ATP6V1H: variants seen among roughly 807,000 people sequenced by gnomAD.
ATP6V1H encodes the protein V-type proton ATPase subunit H.
A neutral mutation model predicts 71.7 loss-of-function variants in ATP6V1H; 39 were observed. That is an observed-to-expected ratio of 0.54 (90% confidence interval 0.42 to 0.71). ATP6V1H has a LOEUF of 0.71. ATP6V1H is among the 30% of genes least tolerant of loss of function. The pLI, the probability that ATP6V1H is intolerant of heterozygous loss-of-function variation, is 0.00. For synonymous variants in ATP6V1H, 192 were observed against 199.3 expected, an observed-to-expected ratio of 0.96 and a Z score of 0.31; for missense variants, 509 against 594.9, an observed-to-expected ratio of 0.86 and a Z score of 1.50.
At chr8:53,723,145 T>C (rs563155370) in intron 13 of ATP6V1H, among the ~76,000 whole-genome samples, 1 of 152,312 alleles carries the variant, frequency 6.6e-6, no homozygotes, top group Non-Finnish European at 1.5e-5. Flanking sequence ...AAGCAGATTA[T>C]ACAACTTTGG....
chr8:53,748,254 T>G (rs979275091), intron 12 of ATP6V1H, among the ~76,000 whole-genome samples: 1 of 152,124 alleles, frequency 6.6e-6, no homozygotes, highest in East Asian at 1.9e-4. Flanking sequence ...ACGGATCATG[T>G]AAGTGATTAA....
chr8:53,822,410 T>C (rs1343569363), intron 4 of ATP6V1H, among the ~76,000 whole-genome samples: 1 of 151,968 alleles, frequency 6.6e-6, no homozygotes, highest in Non-Finnish European at 1.5e-5. Flanking sequence ...AGAGGAAAAG[T>C]AGAATAAGTT....
At chr8:53,812,761 A>G (rs973290059) in intron 6 of ATP6V1H, among the ~76,000 whole-genome samples, 1 of 152,188 alleles carries the variant, frequency 6.6e-6, no homozygotes, top group Non-Finnish European at 1.5e-5. Flanking sequence ...TGGCACGATC[A>G]CAGCTCACTA....
In ATP6V1H at chr8:53,777,271, C is replaced by T. The variant is rs76389109; in HGVS notation, c.871-5104G>A. ...CAAATAAAACTAAATCCAGACACAT[C>T]AAAGTCAATCTTCAGAAAACCAAAT... On this transcript the variant is annotated intron_variant, in intron 9 of 13. Coordinates refer to ENST00000359530, the MANE Select transcript of ATP6V1H (RefSeq NM_015941.4). Among the ~76,000 whole-genome samples, 266 of 152,178 alleles carry T rather than the reference C, an allele frequency of 1.7e-3. 10 individuals carry two copies. The East Asian group carries it at 0.049, about 28-fold the overall frequency.
intron 12 of ATP6V1H, among the ~76,000 whole-genome samples, chr8:53,755,767 T>G: frequency 1.8e-5 from 1 of 56,686 alleles, no homozygotes; most frequent in Non-Finnish European, 3.4e-5. Context: ...TTTTTTTTTT[T>G]TTTTTTTTGA....
chr8:53,811,897 C>T (rs945779518), intron 6 of ATP6V1H, among the ~76,000 whole-genome samples: 2 of 152,064 alleles, frequency 1.3e-5, no homozygotes, highest in Non-Finnish European at 2.9e-5. Context: ...ACTATAAGGT[C>T]AAAGAACAAA....
chr8:53,752,600 G>C (rs770587981), intron 12 of ATP6V1H, among the ~76,000 whole-genome samples: 7 of 152,052 alleles, frequency 4.6e-5, no homozygotes, highest in African/African-American at 1.7e-4. Context: ...TGCCAGGCTG[G>C]AGTGCAGTGG....
intron 10 of ATP6V1H, 52 bp from the exon 11 acceptor site, chr8:53,769,795 C>G: frequency 7.0e-7 from 1 of 1,421,170 alleles, no homozygotes; most frequent in Non-Finnish European, 9.5e-7. Context: ...GACAGTACTC[C>G]AAAATTAAGC....
chr8:53,783,492 G>T (rs566812857), intron 9 of ATP6V1H, among the ~76,000 whole-genome samples: 1 of 152,218 alleles, frequency 6.6e-6, no homozygotes, highest in South Asian at 2.1e-4. Flanking sequence ...CAAAAAGCCA[G>T]CTCCTGGATT....
chr8:53,822,130 C>A (rs1295960522), intron 4 of ATP6V1H, among the ~76,000 whole-genome samples: 1 of 152,190 alleles, frequency 6.6e-6, no homozygotes, highest in African/African-American at 2.4e-5. Context: ...CAGAGATCCT[C>A]TATCAGCCAA....
intron 11 of ATP6V1H, among the ~76,000 whole-genome samples, chr8:53,764,126 T>C (rs1808368816): frequency 6.6e-6 from 1 of 152,186 alleles, no homozygotes; most frequent in African/African-American, 2.4e-5. Flanking sequence ...ACCAATTCTC[T>C]ACAGTCTCTT....
intron 11 of ATP6V1H, among the ~76,000 whole-genome samples, chr8:53,758,333 G>A (rs1808145521): frequency 6.6e-6 from 1 of 151,908 alleles, no homozygotes; most frequent in South Asian, 2.1e-4. Context: ...CTCAAGAAAA[G>A]AAAAATAGCT....
At position 53,715,837 on chromosome 8, in the gene ATP6V1H, G is replaced by T; in HGVS notation, c.*127C>A. 1.5e-6 allele frequency: 1 copy of T among 665,336 alleles called. No homozygotes were observed. Among genetic ancestry groups the T allele is most frequent in the Non-Finnish European group, 2.4e-6 (1 of 416,230 alleles). 41.2% of individuals were successfully genotyped at this position (665,336 alleles called of 1,614,324 possible). On this transcript the variant is annotated 3_prime_UTR_variant, in exon 14 of 14. Transcript: ENST00000359530. ...TTTTGTTGTTGTTGTTTGGAAATTA[G>T]CATTGGGAAAAGCTATATAACAGAG... is the stretch of plus-strand genomic sequence containing the variant.
intron 8 of ATP6V1H, among the ~76,000 whole-genome samples, chr8:53,798,296 C>T (rs572134408): frequency 6.6e-6 from 1 of 152,062 alleles, no homozygotes; most frequent in East Asian, 1.9e-4. Flanking sequence ...GAGGCCGAGG[C>T]AGGTGGATTA....
chr8:53,735,337 G>A lies in ATP6V1H; in HGVS notation c.1391+8240C>T, dbSNP rs571612626. 1.5e-4 allele frequency among the ~76,000 whole-genome samples: 23 copies of A among 152,206 alleles called. No individual in the cohort carries two copies. The South Asian group carries it at 3.5e-3, about 23-fold the overall frequency. ...ACCCTTACGAATCGCCTCAGATAACGGGCTGGCGTCTGTAGCTGACTTGGT... is the reference window on the plus strand; with the variant it reads ...ACCCTTACGAATCGCCTCAGATAACAGGCTGGCGTCTGTAGCTGACTTGGT... On this transcript the variant is annotated intron_variant, in intron 13 of 13. Coordinates refer to ENST00000359530, the MANE Select transcript of ATP6V1H (RefSeq NM_015941.4).
In ATP6V1H at chr8:53,817,520, T is replaced by C. The variant is rs1424218026; in HGVS notation, c.317A>G (p.Gln106Arg). Residue 106 changes from glutamine (Q) to arginine (R), a missense_variant, in exon 5 of 14, where the codon CAG (glutamine) becomes CGG (arginine). Gln to Arg is a conservative substitution (Grantham distance 43, BLOSUM62 1). Around this residue, in one of 2 missense-constraint regions of ATP6V1H, gnomAD observed 297 missense variants for 303.3 expected, o/e 0.98. Transcript: ENST00000359530. ...MVDDMLQENH[Q>R]RVSIFFDYAR... ...ATAGTCAAAGAAAATGCTAACACGCTGATGATTTTCCTAAAAAAGAAAAGA... is the reference window on the plus strand; with the variant it reads ...ATAGTCAAAGAAAATGCTAACACGCCGATGATTTTCCTAAAAAAGAAAAGA... 6.2e-7 allele frequency: 1 copy of C among 1,608,214 alleles called. No individual in the cohort carries two copies. Among genetic ancestry groups the C allele is most frequent in the Non-Finnish European group, 8.5e-7 (1 of 1,176,640 alleles).
chr8:53,723,687 A>G (rs1390582301), intron 13 of ATP6V1H, among the ~76,000 whole-genome samples: 1 of 151,976 alleles, frequency 6.6e-6, no homozygotes, highest in East Asian at 1.9e-4. Context: ...TCTCCCCCAC[A>G]CTTCCTCCTT....
At chr8:53,727,645 C>T (rs1463868470) in intron 13 of ATP6V1H, among the ~76,000 whole-genome samples, 1 of 152,214 alleles carries the variant, frequency 6.6e-6, no homozygotes, top group Non-Finnish European at 1.5e-5. Context: ...TTCAGGTAAT[C>T]TCATCCCCTT....
At chr8:53,751,374 AG>A (rs1807789920) in intron 12 of ATP6V1H, among the ~76,000 whole-genome samples, 1 of 152,214 alleles carries the variant, frequency 6.6e-6, no homozygotes, top group Non-Finnish European at 1.5e-5. Flanking sequence ...GTGGATAAAA[AG>A]GCTGTACTAA....
Sources: gnomAD v4.1 joint callset for allele counts (sites outside exome capture counted in the v4.1 genomes callset) on GRCh38, gnomAD v4.1.1 for gene constraint, gnomAD v4.1.1 regional missense constraint, MANE v1.5 for transcripts, NCBI Gene and HGNC (gene_info 2026-07-23, HGNC 2026-07-21) for gene names.